Variants in AZGP1 observed in about 807,000 individuals in gnomAD.
AZGP1 encodes zinc-alpha-2-glycoprotein.
Under a neutral mutation model 31.5 loss-of-function variants are expected in AZGP1, and 28 were observed. The observed-to-expected ratio is 0.89, with a 90% CI of 0.66 to 1.22. The LOEUF (loss-of-function observed/expected upper bound fraction) is 1.22, where lower values mean the gene tolerates loss of function less well. AZGP1 is among the 50% of genes most tolerant of loss of function. The probability of loss-of-function intolerance (pLI) is 0.00; values close to 1 mark genes in which losing one functional copy is unlikely to be tolerated. For synonymous variants in AZGP1, 135 were observed against 145.4 expected (o/e 0.93, Z 0.51); for missense variants, 361 against 371.8 (o/e 0.97, Z 0.24).
At position 99,971,880 on chromosome 7, in the gene AZGP1, G is replaced by A. The variant is rs1789583604; in HGVS notation, c.203C>T (p.Ser68Phe). ...FFRYNSKDRK[S>F]QPMGLWRQVE... ...CTGTCTCCAGAGTCCCATGGGCTGAGACTTCCTGTCTTTACTGTTGTATCT... is the reference window on the plus strand; with the variant it reads ...CTGTCTCCAGAGTCCCATGGGCTGAAACTTCCTGTCTTTACTGTTGTATCT... Residue 68 changes from serine to phenylalanine, a missense_variant, in exon 2 of 4, where the codon TCT becomes TTT. Coordinates refer to ENST00000292401, the MANE Select transcript of AZGP1 (RefSeq NM_001185.4). The A allele has an allele frequency of 1.9e-6, 3 of 1,614,050 alleles. No individual in the cohort carries two copies. Among genetic ancestry groups the A allele is most frequent in the Non-Finnish European group, 2.5e-6 (3 of 1,180,044 alleles).
At chr7:99,968,579 A>G in intron 2 of AZGP1, 149 bp from the exon 3 acceptor site, 2 of 971,078 alleles carry the variant, frequency 2.1e-6, no homozygotes, top group Non-Finnish European at 3.1e-6. Flanking sequence ...CAAATAGGTT[A>G]TTACTCCAAT....
At position 99,967,177 on chromosome 7, in the gene AZGP1, C is replaced by G; in HGVS notation, c.723G>C (p.Arg241=). The change falls in exon 4 of 4, where the codon CGG becomes CGC. Residue 241 remains arginine, a synonymous_variant. Transcript: ENST00000292401. ...YPGKIDVHWT[R]AGEVQEPELR... is the part of the protein sequence containing the mutation. ...ACTCAGGCTCCTGCACCTCGCCGGC[C>G]CGAGTCCAGTGCACATCAATTTTCC... 1 of 1,614,132 alleles carries G rather than the reference C, an allele frequency of 6.2e-7. No individual in the cohort carries two copies. Among genetic ancestry groups the G allele is most frequent in the Non-Finnish European group, 8.5e-7 (1 of 1,180,004 alleles).
At position 99,966,993 on chromosome 7, in the gene AZGP1, C is replaced by T. The variant is rs146780290; in HGVS notation, c.*10G>A. The stretch of plus-strand genomic sequence containing the variant: ...GTCTGAGATCCCACATTGCCTCCAA[C>T]CCTTGCTTCCTAGCTGGCCTCCCAG... On this transcript the variant is annotated 3_prime_UTR_variant, in exon 4 of 4. Transcript: ENST00000292401. 2.5e-6 allele frequency: 4 copies of T among 1,611,644 alleles called. No individual in the cohort carries two copies. Among genetic ancestry groups the T allele is most frequent in the Non-Finnish European group, 3.4e-6 (4 of 1,178,358 alleles).
In AZGP1 at chr7:99,975,498, G is replaced by A. The variant is rs544479903; in HGVS notation, c.76+447C>T. Among the ~76,000 whole-genome samples the A allele has an allele frequency of 5.3e-5, 8 of 152,148 alleles. No homozygotes were observed. In the South Asian group the frequency reaches 6.2e-4, roughly 12 times the overall value. On this transcript the variant is annotated intron_variant, in intron 1 of 3. Coordinates refer to ENST00000292401, the MANE Select transcript of AZGP1 (RefSeq NM_001185.4). ...GTGTCTGAGTGTGGGATTTGGGCAC[G>A]GGTTTCCTTCTAGCACCATCCCTCC...
intron 2 of AZGP1, among the ~76,000 whole-genome samples, chr7:99,970,429 G>C (rs551644638): frequency 6.6e-6 from 1 of 152,068 alleles, no homozygotes; most frequent in South Asian, 2.1e-4. Context: ...TATTAGTAGA[G>C]ACAGGGTTTC....
rs1044095078 is a variant in AZGP1, at chr7:99,971,453, C to T, written c.337+293G>A. On this transcript the variant is annotated intron_variant, in intron 2 of 3. Transcript: ENST00000292401. ...GCCTTCTCACGGGGGTATCAGCCTC[C>T]GATGGGTGGGGTGTGGAGGTGAGAG... 12 of 346,882 alleles carry T rather than the reference C, an allele frequency of 3.5e-5. No individual in the cohort carries two copies. The Admixed American group carries it at 4.0e-4, about 12-fold the overall frequency. The allele number at this position is 346,882 out of a possible 1,614,324, so 21.5% of individuals were successfully genotyped here. A position where few individuals can be genotyped will look rare whatever the true frequency, so the allele number is the denominator to read the frequency against.
rs575288620 is a variant in AZGP1, at chr7:99,966,838, G to C, written c.*165C>G. On this transcript the variant is annotated 3_prime_UTR_variant, in exon 4 of 4. Transcript: ENST00000292401. Reference sequence around the variant, plus strand: ...TTGGGTCCAAGTCTACTCAAGACAGGCATCCCAGTCTTCGGTCTCCAAATC... The same window carrying C: ...TTGGGTCCAAGTCTACTCAAGACAGCCATCCCAGTCTTCGGTCTCCAAATC... 7.5e-5 allele frequency: 80 copies of C among 1,064,256 alleles called. No homozygotes were observed. In the African/African-American group the frequency reaches 1.1e-3, roughly 15 times the overall value. 65.9% of individuals were successfully genotyped at this position (1,064,256 alleles called of 1,614,324 possible). A position where few individuals can be genotyped will look rare whatever the true frequency, so the allele number is the denominator to read the frequency against.
At position 99,968,322 on chromosome 7, in the gene AZGP1, T is replaced by C. The variant is rs371906314; in HGVS notation, c.446A>G (p.Lys149Arg). The C allele has an allele frequency of 9.3e-6, 15 of 1,613,670 alleles. No individual in the cohort carries two copies. Among genetic ancestry groups the C allele is most frequent in the Non-Finnish European group, 1.2e-5 (14 of 1,179,926 alleles). ...GAAGGGGACCCAGGCTGGGATTTCT[T>C]TGTTGAATTCAATGTAGTCCTTTCC... The part of the protein sequence containing the change: ...YDGKDYIEFN[K>R]EIPAWVPFDP... Residue 149 changes from lysine to arginine, a missense_variant, in exon 3 of 4, where the codon AAA becomes AGA. By Grantham distance (26) the Lys-to-Arg change is conservative. Transcript: ENST00000292401.
In AZGP1 at chr7:99,967,093, T is replaced by G. The variant is rs368483058; in HGVS notation, c.807A>C (p.Ala269=). Residue 269 remains alanine, a synonymous_variant, in exon 4 of 4, where the codon GCA becomes GCC. Coordinates refer to ENST00000292401, the MANE Select transcript of AZGP1 (RefSeq NM_001185.4). Reference sequence around the variant, plus strand: ...AGGGGGCTGTGTCCTGCGGGGGCACTGCCACCACCACCCAGGACTGGTAAG... The same window carrying G: ...AGGGGGCTGTGTCCTGCGGGGGCACGGCCACCACCACCCAGGACTGGTAAG... The part of the protein sequence containing the change: ...NGTYQSWVVV[A]VPPQDTAPYS... 17 of 1,614,082 alleles carry G rather than the reference T, an allele frequency of 1.1e-5. No homozygotes were observed. Among genetic ancestry groups the G allele is most frequent in the Middle Eastern group, 1.6e-4 (1 of 6,062 alleles).
intron 3 of AZGP1, 117 bp from the exon 4 acceptor site, chr7:99,967,403 G>T: frequency 8.4e-7 from 1 of 1,195,574 alleles, no homozygotes; most frequent in Non-Finnish European, 1.2e-6. Flanking sequence ...CTCTGTACCT[G>T]CCCACCCCCA....
chr7:99,971,947 C>A lies in AZGP1; in HGVS notation c.136G>T (p.Ala46Ser), dbSNP rs146017934. Reference sequence around the variant, plus strand: ...TTGAGTGAGCCAAGGGCCTGAAACGCGGGGACGTCTTCAACATGCTTGGAC... The same window carrying A: ...TTGAGTGAGCCAAGGGCCTGAAACGAGGGGACGTCTTCAACATGCTTGGAC... Reference protein sequence around the residue: ...GLSKHVEDVPAFQALGSLNDL... With the variant: ...GLSKHVEDVPSFQALGSLNDL... The change falls in exon 2 of 4, where the codon GCG (alanine) becomes TCG (serine). Residue 46 changes from alanine (A) to serine (S), a missense_variant. By Grantham distance (99) the Ala-to-Ser change is moderately conservative (BLOSUM62 1). Transcript: ENST00000292401. 6.2e-7 allele frequency: 1 copy of A among 1,614,030 alleles called. No individual in the cohort carries two copies.
At chr7:99,973,328 C>A (rs2115688421) in intron 1 of AZGP1, among the ~76,000 whole-genome samples, 1 of 152,132 alleles carries the variant, frequency 6.6e-6, no homozygotes, top group East Asian at 1.9e-4. Context: ...ATAATAGTTC[C>A]ATAATTATTT....
At chr7:99,967,658 C>T in intron 3 of AZGP1, 1 of 412,216 alleles carries the variant, frequency 2.4e-6, no homozygotes, top group Non-Finnish European at 4.4e-6. Flanking sequence ...CTGAGTCTCA[C>T]TACGTCTCCA....
chr7:99,970,991 G>A (rs566904833), intron 2 of AZGP1, among the ~76,000 whole-genome samples: 27 of 152,284 alleles, frequency 1.8e-4, no homozygotes, highest in Non-Finnish European at 3.2e-4. Context: ...CATAGCGCAG[G>A]TGGCCCTTCC....
In AZGP1 at chr7:99,971,825, G is replaced by A. The variant is rs1422871499; in HGVS notation, c.258C>T (p.Asp86=). ...CCTCCCTGGCCTTCTGAAGTTGGCT[G>A]TCCTGCTTCCAATCCTCCATTCCTT... ...QVEGMEDWKQ[D]SQLQKAREDI... is the part of the protein sequence containing the mutation. Residue 86 remains aspartate, a synonymous_variant, in exon 2 of 4, where the codon GAC becomes GAT. Coordinates refer to ENST00000292401, the MANE Select transcript of AZGP1 (RefSeq NM_001185.4). 6.2e-7 allele frequency: 1 copy of A among 1,613,978 alleles called. No individual in the cohort carries two copies. The highest frequency in any genetic ancestry group is 1.7e-5 in the Admixed American group (1 of 59,984).
intron 1 of AZGP1, among the ~76,000 whole-genome samples, chr7:99,972,331 C>A (rs188053596): frequency 1.7e-3 from 253 of 152,272 alleles, no homozygotes; most frequent in Non-Finnish European, 2.8e-3. Flanking sequence ...GAAGTGATGT[C>A]TTTCTTCTTG....
intron 1 of AZGP1, 140 bp from the exon 2 acceptor site, chr7:99,972,146 G>C (rs921704159): frequency 1.1e-6 from 1 of 926,446 alleles, no homozygotes; most frequent in African/African-American, 1.7e-5. Flanking sequence ...ACCACTGGAG[G>C]CTCACTCAAG....
At position 99,971,991 on chromosome 7, in the gene AZGP1, G is replaced by T; in HGVS notation, c.92C>A (p.Thr31Asn). 6.2e-7 allele frequency: 1 copy of T among 1,610,114 alleles called. No homozygotes were observed. The highest frequency in any genetic ancestry group is 8.5e-7 in the Non-Finnish European group (1 of 1,177,766). ...CTTGGACAGCCCAGTGTAGATATAG[G>T]TCAGAGAGTAACGACCTGCAAAAGA... ...QENQDGRYSL[T>N]YIYTGLSKHV... The change falls in exon 2 of 4, where the codon ACC (threonine) becomes AAC (asparagine). Residue 31 changes from threonine to asparagine, a missense_variant. Coordinates refer to ENST00000292401, the MANE Select transcript of AZGP1 (RefSeq NM_001185.4).
intron 1 of AZGP1, among the ~76,000 whole-genome samples, chr7:99,973,840 C>G (rs1290396231): frequency 6.7e-6 from 1 of 149,410 alleles, no homozygotes; most frequent in Non-Finnish European, 1.5e-5. Flanking sequence ...CGCTTAAGCC[C>G]GGGAGGCAGA....
Sources: gnomAD v4.1 joint callset for allele counts (sites outside exome capture counted in the v4.1 genomes callset) on GRCh38, gnomAD v4.1.1 for gene constraint, MANE v1.5 for transcripts, NCBI Gene and HGNC (gene_info 2026-07-23, HGNC 2026-07-21) for gene names.